OPCML: variants seen among roughly 807,000 people sequenced by gnomAD.
OPCML encodes opioid binding protein/cell adhesion molecule like.
A neutral mutation model predicts 37.8 loss-of-function variants in OPCML; 13 were observed. The observed-to-expected ratio is 0.34, with a 90% CI of 0.22 to 0.55. The LOEUF (loss-of-function observed/expected upper bound fraction) is 0.55. Ranked by LOEUF, OPCML falls within the 20% of genes least tolerant of loss-of-function variation. The pLI, the probability that OPCML is intolerant of heterozygous loss-of-function variation, is 0.91. For synonymous variants in OPCML, 176 were observed against 168.8 expected (o/e 1.04, Z -0.33); for missense variants, 341 against 435.6 (o/e 0.78, Z 1.93).
At chr11:133,418,436 G>C in intron 1 of OPCML, 1 of 985,328 alleles carries the variant, frequency 1.0e-6, no homozygotes, top group Non-Finnish European at 1.2e-6. Context: ...GGAAGAGGGA[G>C]TCTTAAATGA....
At chr11:133,184,667 T>A (rs1937995001) in intron 1 of OPCML, among the ~76,000 whole-genome samples, 1 of 152,158 alleles carries the variant, frequency 6.6e-6, no homozygotes, top group Non-Finnish European at 1.5e-5. Flanking sequence ...GACGGGGAAG[T>A]CTACTTCCGT....
At chr11:132,847,694 G>A (rs964450434) in intron 2 of OPCML, among the ~76,000 whole-genome samples, 1 of 152,146 alleles carries the variant, frequency 6.6e-6, no homozygotes, top group African/African-American at 2.4e-5. Context: ...AGGTATCTGA[G>A]CCTGAAATTA....
chr11:133,223,985 G>A (rs1467657394), intron 1 of OPCML, among the ~76,000 whole-genome samples: 2 of 152,178 alleles, frequency 1.3e-5, no homozygotes, highest in African/African-American at 2.4e-5. Context: ...GTTTTGGCCC[G>A]AGTGTATTTG....
intron 1 of OPCML, among the ~76,000 whole-genome samples, chr11:133,101,932 A>C (rs1429541572): frequency 6.6e-6 from 1 of 152,150 alleles, no homozygotes; most frequent in African/African-American, 2.4e-5. Flanking sequence ...GGGAAACTTA[A>C]ATGCATATTG....
chr11:133,246,504 C>A (rs1232483841), intron 1 of OPCML, among the ~76,000 whole-genome samples: 1 of 152,136 alleles, frequency 6.6e-6, no homozygotes, highest in African/African-American at 2.4e-5. Context: ...CAGTATTGGG[C>A]ACACCTCAGA....
chr11:133,116,503 T>C (rs1949335572), intron 1 of OPCML, among the ~76,000 whole-genome samples: 1 of 152,160 alleles, frequency 6.6e-6, no homozygotes, highest in Non-Finnish European at 1.5e-5. Context: ...TTTTAAACCT[T>C]AAGTATTAAA....
chr11:132,629,889 T>C (rs1450656516), intron 3 of OPCML, among the ~76,000 whole-genome samples: 1 of 152,194 alleles, frequency 6.6e-6, no homozygotes. Context: ...GAAACAAGAA[T>C]AGATATTTTG....
intron 2 of OPCML, among the ~76,000 whole-genome samples, chr11:132,673,257 G>A (rs1942555818): frequency 6.6e-6 from 1 of 152,092 alleles, no homozygotes; most frequent in Non-Finnish European, 1.5e-5. Context: ...CAGAGGTGAT[G>A]TTCATGAGCA....
At chr11:133,270,988 C>T (rs1941811768) in intron 1 of OPCML, among the ~76,000 whole-genome samples, 1 of 152,130 alleles carries the variant, frequency 6.6e-6, no homozygotes, top group Non-Finnish European at 1.5e-5. Context: ...TTCTGAATTG[C>T]TCCTTGAAGT....
chr11:132,887,059 A>C (rs1229026800), intron 2 of OPCML, among the ~76,000 whole-genome samples: 1 of 152,216 alleles, frequency 6.6e-6, no homozygotes, highest in Non-Finnish European at 1.5e-5. Context: ...GAATTTTATC[A>C]TTCTAAGACC....
chr11:133,289,403 G>T (rs1193806231), intron 1 of OPCML, among the ~76,000 whole-genome samples: 1 of 151,740 alleles, frequency 6.6e-6, no homozygotes, highest in African/African-American at 2.4e-5. Flanking sequence ...AGACCATCCC[G>T]GCTAAAACGG....
At chr11:132,607,850 A>G (rs946400078) in intron 3 of OPCML, among the ~76,000 whole-genome samples, 1 of 152,324 alleles carries the variant, frequency 6.6e-6, no homozygotes. Flanking sequence ...CCAGAGGCAG[A>G]GAAGAGTAGG....
intron 3 of OPCML, among the ~76,000 whole-genome samples, chr11:132,592,247 G>A (rs1031074475): frequency 7.9e-5 from 12 of 152,284 alleles, no homozygotes; most frequent in African/African-American, 2.4e-4. Flanking sequence ...CGGGTATATC[G>A]GCACAGGCCT....
At chr11:132,489,325 T>G (rs938168376) in intron 4 of OPCML, among the ~76,000 whole-genome samples, 2 of 152,274 alleles carry the variant, frequency 1.3e-5, no homozygotes, top group African/African-American at 4.8e-5. Flanking sequence ...TTCTTTGGGA[T>G]CCCTCCTGAA....
intron 3 of OPCML, among the ~76,000 whole-genome samples, chr11:132,548,073 AAG>A (rs1244110914): frequency 6.6e-6 from 1 of 152,198 alleles, no homozygotes; most frequent in Non-Finnish European, 1.5e-5. Flanking sequence ...GATTCAAAGC[AAG>A]AGAGTTTAAA....
At chr11:132,755,176 T>C (rs1945993986) in intron 2 of OPCML, among the ~76,000 whole-genome samples, 2 of 152,240 alleles carry the variant, frequency 1.3e-5, no homozygotes, top group African/African-American at 4.8e-5. Context: ...AAGACTCCTG[T>C]ATCTTCATGT....
At chr11:133,061,846 T>C (rs2136990163) in intron 1 of OPCML, among the ~76,000 whole-genome samples, 1 of 144,648 alleles carries the variant, frequency 6.9e-6, no homozygotes, top group East Asian at 2.1e-4. Flanking sequence ...TCGTTTGTTT[T>C]CCATCCAAGC....
At chr11:132,722,443 AG>A in intron 2 of OPCML, among the ~76,000 whole-genome samples, 1 of 152,278 alleles carries the variant, frequency 6.6e-6, no homozygotes, top group East Asian at 1.9e-4. Flanking sequence ...TAAAGAGATA[AG>A]AACATGAGTT....
At chr11:133,170,661 G>A (rs1950276940) in intron 1 of OPCML, among the ~76,000 whole-genome samples, 1 of 151,128 alleles carries the variant, frequency 6.6e-6, no homozygotes, top group Non-Finnish European at 1.5e-5. Flanking sequence ...TGAGACATAT[G>A]TAATGTAAAG....
Sources: allele counts gnomAD v4.1 joint callset (sites outside exome capture counted in the v4.1 genomes callset), GRCh38; gene constraint gnomAD v4.1.1; transcripts MANE v1.5; gene names NCBI Gene and HGNC (gene_info 2026-07-23, HGNC 2026-07-21).